DGKI: variants seen among roughly 807,000 people sequenced by gnomAD.
The protein encoded by DGKI is diacylglycerol kinase iota.
DGKI carries 55 observed loss-of-function variants against 147.5 expected under a neutral mutation model. That is an observed-to-expected ratio of 0.37 (90% CI 0.30 to 0.47). The LOEUF is 0.47. Ranked by LOEUF, DGKI falls within the 20% of genes least tolerant of loss-of-function variation. DGKI has a pLI of 1.00. For synonymous variants in DGKI, 469 were observed against 477.1 expected, an observed-to-expected ratio of 0.98 and a Z score of 0.22; for missense variants, 1,007 against 1,323.8, an observed-to-expected ratio of 0.76 and a Z score of 3.71.
intron 20 of DGKI, among the ~76,000 whole-genome samples, chr7:137,540,962 A>G (rs1817681153): frequency 6.6e-6 from 1 of 152,140 alleles, no homozygotes; most frequent in Non-Finnish European, 1.5e-5. Flanking sequence ...ACATTCCCCA[A>G]GTTGATCTAT....
intron 27 of DGKI, among the ~76,000 whole-genome samples, chr7:137,453,723 G>C (rs886622029): frequency 6.6e-6 from 1 of 152,124 alleles, no homozygotes; most frequent in Admixed American, 6.5e-5. Flanking sequence ...AAAATGAAAG[G>C]AAGAAGACAG....
intron 6 of DGKI, among the ~76,000 whole-genome samples, chr7:137,631,169 C>T (rs1443520466): frequency 6.6e-6 from 1 of 152,024 alleles, no homozygotes; most frequent in Non-Finnish European, 1.5e-5. Context: ...GCAGAAAATG[C>T]TCTTCTGCTG....
intron 1 of DGKI, among the ~76,000 whole-genome samples, chr7:137,717,710 G>C (rs1251290547): frequency 6.6e-6 from 1 of 152,114 alleles, no homozygotes; most frequent in Non-Finnish European, 1.5e-5. Context: ...TATTATGTGG[G>C]GGCGGGGAAG....
chr7:137,491,295 T>C (rs1352443716), intron 21 of DGKI, among the ~76,000 whole-genome samples: 1 of 152,182 alleles, frequency 6.6e-6, no homozygotes, highest in Non-Finnish European at 1.5e-5. Flanking sequence ...TGAAGATTAA[T>C]TGATCATCTG....
chr7:137,596,897 A>T (rs1335625329), intron 12 of DGKI, among the ~76,000 whole-genome samples: 3 of 152,240 alleles, frequency 2.0e-5, no homozygotes, highest in African/African-American at 7.2e-5. Context: ...AATTAGAGAA[A>T]AGCTAAAGAT....
intron 14 of DGKI, among the ~76,000 whole-genome samples, chr7:137,584,774 C>T (rs895011646): frequency 2.6e-5 from 4 of 152,202 alleles, no homozygotes; most frequent in African/African-American, 9.6e-5. Flanking sequence ...AGTGGTAACA[C>T]TGGCATAGTT....
At chr7:137,517,295 GAA>G (rs1482445975) in intron 21 of DGKI, among the ~76,000 whole-genome samples, 1 of 93,990 alleles carries the variant, frequency 1.1e-5, no homozygotes, top group Non-Finnish European at 2.1e-5. Flanking sequence ...AAGAAAGAAA[GAA>G]AGAAAGAAAG....
intron 23 of DGKI, 147 bp downstream of exon 23, chr7:137,485,227 G>A (rs1815511089): frequency 4.4e-6 from 3 of 679,464 alleles, no homozygotes. Context: ...AAATGCAAAA[G>A]AATCAGAATA....
chr7:137,663,750 G>A lies in DGKI; in HGVS notation c.607-7210C>T, dbSNP rs577788992. 4.5e-4 allele frequency among the ~76,000 whole-genome samples: 69 copies of A among 152,250 alleles called. 1 individual carries two copies. Among genetic ancestry groups the A allele is most frequent in the African/African-American group, 1.5e-3 (62 of 41,546 alleles). On this transcript the variant is annotated intron_variant, in intron 3 of 32. Transcript: ENST00000614521. The stretch of plus-strand genomic sequence containing the variant: ...CAGAACTACGCCCCAGAAGCCATGG[G>A]GTTCAAAATTACAGAGTTACAGAGA...
At chr7:137,469,663 C>T in intron 23 of DGKI, 44 bp from the exon 24 acceptor site, 1 of 1,570,232 alleles carries the variant, frequency 6.4e-7, no homozygotes, top group South Asian at 1.1e-5. Flanking sequence ...TTTCAATAAC[C>T]TGATGGGCTT....
chr7:137,785,372 A>G (rs537285337), intron 1 of DGKI, among the ~76,000 whole-genome samples: 22 of 152,110 alleles, frequency 1.4e-4, no homozygotes, highest in African/African-American at 5.3e-4. Context: ...TGGAGGAGAT[A>G]AATTTCAGGA....
intron 21 of DGKI, among the ~76,000 whole-genome samples, chr7:137,492,167 A>T (rs146653543): frequency 7.9e-5 from 12 of 152,306 alleles, no homozygotes; most frequent in African/African-American, 2.9e-4. Context: ...TGAGCTCAGA[A>T]CTTCCAGGCA....
chr7:137,738,131 A>T (rs1377736773), intron 1 of DGKI, among the ~76,000 whole-genome samples: 1 of 152,148 alleles, frequency 6.6e-6, no homozygotes. Context: ...TATGTTTATT[A>T]CCATTTTGTA....
chr7:137,498,991 G>A (rs539466043), intron 21 of DGKI, among the ~76,000 whole-genome samples: 7 of 152,138 alleles, frequency 4.6e-5, no homozygotes, highest in Non-Finnish European at 5.9e-5. Flanking sequence ...GAATGAGTCC[G>A]TGTGCACTCT....
intron 6 of DGKI, among the ~76,000 whole-genome samples, chr7:137,641,135 C>T (rs771658153): frequency 6.6e-5 from 10 of 152,056 alleles, no homozygotes; most frequent in Non-Finnish European, 1.2e-4. Flanking sequence ...TGGGAGTTTC[C>T]CTGCACAAGC....
intron 23 of DGKI, among the ~76,000 whole-genome samples, chr7:137,483,531 C>T (rs1426823166): frequency 3.3e-5 from 5 of 152,054 alleles, no homozygotes; most frequent in Admixed American, 2.6e-4. Flanking sequence ...GTTTGCTGCA[C>T]CCATCAACCC....
chr7:137,632,592 C>T (rs139339254), intron 6 of DGKI, among the ~76,000 whole-genome samples: 3,944 of 152,242 alleles, frequency 0.026, 64 homozygotes, highest in Non-Finnish European at 0.037. Context: ...GGCATGGTGG[C>T]TCACACCTGT....
At chr7:137,739,712 C>G (rs1436198922) in intron 1 of DGKI, among the ~76,000 whole-genome samples, 1 of 152,148 alleles carries the variant, frequency 6.6e-6, no homozygotes, top group Non-Finnish European at 1.5e-5. Flanking sequence ...GTGCTACACG[C>G]ATGTGTACAC....
At chr7:137,731,239 C>T (rs1585419991) in intron 1 of DGKI, among the ~76,000 whole-genome samples, 2 of 152,186 alleles carry the variant, frequency 1.3e-5, no homozygotes, top group African/African-American at 4.8e-5. Flanking sequence ...AAACCGTCTT[C>T]ATTCACTCTG....
Sources: allele counts gnomAD v4.1 joint callset (sites outside exome capture counted in the v4.1 genomes callset), GRCh38; gene constraint gnomAD v4.1.1; transcripts MANE v1.5; gene names NCBI Gene and HGNC (gene_info 2026-07-23, HGNC 2026-07-21).